Variants in CASP5 observed in about 807,000 individuals in gnomAD.
CASP5 encodes the protein caspase 5, also known as caspase-5.
Under a neutral mutation model 45.2 loss-of-function variants are expected in CASP5, and 42 were observed. The observed-to-expected ratio is 0.93, with a 90% CI of 0.73 to 1.20. The LOEUF (loss-of-function observed/expected upper bound fraction) is 1.20, where lower values mean the gene tolerates loss of function less well. Ranked by LOEUF, CASP5 falls within the 50% of genes most tolerant of loss-of-function variation. CASP5 has a pLI of 0.00. For synonymous variants in CASP5, 209 were observed against 186.2 expected, an observed-to-expected ratio of 1.12 and a Z score of -1.00; for missense variants, 512 against 532.2, an observed-to-expected ratio of 0.96 and a Z score of 0.37.
intron 1 of CASP5, 94 bp from the exon 2 acceptor site, chr11:105,009,074 G>T: frequency 9.6e-7 from 1 of 1,041,158 alleles, no homozygotes; most frequent in South Asian, 1.4e-5. Flanking sequence ...AAACACCCTT[G>T]AAAATACATT....
In CASP5 at chr11:105,000,359, A is replaced by T. The variant is rs757767747; in HGVS notation, c.854T>A (p.Val285Glu). The T allele has an allele frequency of 2.5e-6, 4 of 1,614,210 alleles. No homozygotes were observed. The Admixed American group carries it at 5.0e-5, about 20-fold the overall frequency. Reference protein sequence around the residue: ...GTAHKKKKPDVLLYDTIFQIF... With the variant: ...GTAHKKKKPDELLYDTIFQIF... ...CTGGAAGATGGTGTCATAAAGCAGC[A>T]CATCCGGTTTTTTCTTTTTATGCGC... The change falls in exon 6 of 10, where the codon GTG (valine) becomes GAG (glutamate). Residue 285 changes from valine to glutamate, a missense_variant. By Grantham distance (121) the Val-to-Glu change is moderately radical. Transcript: ENST00000260315.
At chr11:105,017,497 T>C (rs1333186896) in intron 1 of CASP5, among the ~76,000 whole-genome samples, 1 of 151,598 alleles carries the variant, frequency 6.6e-6, no homozygotes, top group African/African-American at 2.4e-5. Context: ...GCTCGAGAAC[T>C]ACGTGAAGAA....
chr11:105,007,216 C>T lies in CASP5; in HGVS notation c.300G>A (p.Lys100=). The T allele has an allele frequency of 6.2e-7, 1 of 1,613,616 alleles. No homozygotes were observed. Among genetic ancestry groups the T allele is most frequent in the African/African-American group, 1.3e-5 (1 of 74,986 alleles). Residue 100 remains lysine (K), a synonymous_variant, in exon 3 of 10, where the codon AAG becomes AAA. Transcript: ENST00000260315. ...HDVLTLKEEE[K]KKYYDTKIED... ...CAATTTTGGTATCATAATATTTTTT[C>T]TTTTCCTCTTCCTTCAATGTCAGAA...
chr11:105,006,962 T>A, intron 3 of CASP5, 121 bp downstream of exon 3: 1 of 880,130 alleles, frequency 1.1e-6, no homozygotes, highest in Non-Finnish European at 1.8e-6. Flanking sequence ...ATGACATGTT[T>A]ACTGAAAATG....
intron 7 of CASP5, among the ~76,000 whole-genome samples, chr11:104,998,250 T>C (rs1861554806): frequency 6.6e-6 from 1 of 152,194 alleles, no homozygotes; most frequent in Non-Finnish European, 1.5e-5. Context: ...ATATGTCAGC[T>C]ATGCCTCCAT....
intron 1 of CASP5, 55 bp from the exon 2 acceptor site, chr11:105,009,035 C>A (rs1296698527): frequency 1.3e-6 from 2 of 1,564,356 alleles, no homozygotes; most frequent in South Asian, 2.3e-5. Context: ...AGAGTTTTGC[C>A]CTTGCTTTAG....
chr11:105,006,946 A>G, intron 3 of CASP5, 137 bp downstream of exon 3: 3 of 800,892 alleles, frequency 3.7e-6, no homozygotes, highest in South Asian at 3.5e-5. Context: ...GGTCTCTAAC[A>G]GGATGATGAC....
intron 6 of CASP5, 91 bp downstream of exon 6, chr11:105,000,170 G>T: frequency 1.5e-6 from 2 of 1,310,262 alleles, no homozygotes; most frequent in Non-Finnish European, 2.2e-6. Flanking sequence ...ACTGGATGGG[G>T]TCTAACATTG....
chr11:105,008,169 G>C (rs1862100713), intron 2 of CASP5, among the ~76,000 whole-genome samples: 1 of 152,026 alleles, frequency 6.6e-6, no homozygotes, highest in Non-Finnish European at 1.5e-5. Flanking sequence ...ATATATATTA[G>C]TTTCTTTTAC....
At position 105,000,351 on chromosome 11, in the gene CASP5, A is replaced by C; in HGVS notation, c.862T>G (p.Tyr288Asp). 6.2e-7 allele frequency: 1 copy of C among 1,614,224 alleles called. No individual in the cohort carries two copies. The highest frequency in any genetic ancestry group is 8.5e-7 in the Non-Finnish European group (1 of 1,180,034). The part of the protein sequence containing the change: ...HKKKKPDVLL[Y>D]DTIFQIFNNR... ...TTGAATATCTGGAAGATGGTGTCAT[A>C]AAGCAGCACATCCGGTTTTTTCTTT... is the stretch of plus-strand genomic sequence containing the variant. The change falls in exon 6 of 10, where the codon TAT (tyrosine) becomes GAT (aspartate). Residue 288 changes from tyrosine to aspartate, a missense_variant. Transcript: ENST00000260315.
In CASP5 at chr11:105,018,578, A is replaced by G. The variant is rs1591179282; in HGVS notation, c.7+4552T>C. Reference sequence around the variant, plus strand: ...AAAGAAGGCCATTACATAATGGTAAAGGGATCAATTCAACAAGAAGAGCTA... The same window carrying G: ...AAAGAAGGCCATTACATAATGGTAAGGGGATCAATTCAACAAGAAGAGCTA... On this transcript the variant is annotated intron_variant, in intron 1 of 9. Transcript: ENST00000260315. Among the ~76,000 whole-genome samples the G allele has an allele frequency of 3.5e-5, 5 of 144,796 alleles. No homozygotes were observed. In the South Asian group the frequency reaches 1.1e-3, roughly 32 times the overall value. The allele number at this position is 144,796 out of a possible 152,430, so 95.0% of individuals were successfully genotyped here. A position where few individuals can be genotyped will look rare whatever the true frequency, so the allele number is the denominator to read the frequency against.
intron 1 of CASP5, among the ~76,000 whole-genome samples, chr11:105,015,511 G>C (rs528626992): frequency 2.6e-5 from 4 of 152,234 alleles, no homozygotes; most frequent in African/African-American, 7.2e-5. Flanking sequence ...TTTTATATAG[G>C]ATACTGTTTT....
At chr11:105,017,387 C>T (rs1862679801) in intron 1 of CASP5, among the ~76,000 whole-genome samples, 2 of 152,090 alleles carry the variant, frequency 1.3e-5, no homozygotes, top group Non-Finnish European at 2.9e-5. Context: ...CAACCAAAGG[C>T]AAAGAAGTTG....
At position 105,002,293 on chromosome 11, in the gene CASP5, C is replaced by A. The variant is rs1036523925; in HGVS notation, c.544-92G>T. 5 of 973,590 alleles carry A rather than the reference C, an allele frequency of 5.1e-6. No individual in the cohort carries two copies. In the South Asian group the frequency reaches 7.4e-5, roughly 14 times the overall value. 60.3% of individuals were successfully genotyped at this position (973,590 alleles called of 1,614,324 possible). ...AATTTTGCTTTTTTAAGACCTCATG[C>A]AGCTGCCACCTTCCCTAACCTCTAT... On this transcript the variant is annotated intron_variant, in intron 4 of 9. Coordinates refer to ENST00000260315, the MANE Select transcript of CASP5 (RefSeq NM_004347.5).
chr11:105,001,912 A>G (rs936779766), intron 5 of CASP5, 116 bp downstream of exon 5: 14 of 902,148 alleles, frequency 1.6e-5, no homozygotes, highest in East Asian at 2.5e-5. Context: ...ACACACACAC[A>G]CACGCACACG....
At chr11:105,000,218 C>T (rs3181328) in intron 6 of CASP5, 43 bp downstream of exon 6, 146,272 of 1,593,866 alleles carry the variant, frequency 0.092, 7,324 homozygotes, top group Middle Eastern at 0.12. Flanking sequence ...CAATCCTCTG[C>T]ATACACCTTC....
chr11:104,997,258 G>A (rs1861506724), intron 8 of CASP5, 125 bp downstream of exon 8: 4 of 686,510 alleles, frequency 5.8e-6, no homozygotes, highest in Non-Finnish European at 1.0e-5. Flanking sequence ...CTGAATGACA[G>A]AAATCAGGTG....
intron 1 of CASP5, among the ~76,000 whole-genome samples, chr11:105,020,086 T>G (rs144197043): frequency 0.069 from 9,486 of 138,392 alleles, 1,532 homozygotes; most frequent in African/African-American, 0.22. Context: ...TGCAGAAAAG[T>G]TCTTTGACAA....
intron 1 of CASP5, among the ~76,000 whole-genome samples, chr11:105,022,355 T>C (rs1863014999): frequency 6.6e-6 from 1 of 151,986 alleles, no homozygotes; most frequent in Non-Finnish European, 1.5e-5. Context: ...CTGCAGATTA[T>C]TCATATATGT....
Sources: allele counts gnomAD v4.1 joint callset (sites outside exome capture counted in the v4.1 genomes callset), GRCh38; gene constraint gnomAD v4.1.1; transcripts MANE v1.5; gene names NCBI Gene and HGNC (gene_info 2026-07-23, HGNC 2026-07-21).